The following NOMO2 variants were observed in gnomAD, a reference collection of about 807,000 sequenced individuals.
NOMO2 encodes the protein NODAL modulator 2.
A neutral mutation model predicts 67.1 loss-of-function variants in NOMO2; 14 were observed. The observed-to-expected ratio is 0.21, with a 90% CI of 0.14 to 0.33. The LOEUF is 0.33. Among genes scored for constraint, NOMO2 ranks in the 10% least tolerant of loss-of-function variants. The pLI, the probability that NOMO2 is intolerant of heterozygous loss-of-function variation, is 1.00. For synonymous variants in NOMO2, 80 were observed against 305.9 expected (o/e 0.26, Z 7.71); for missense variants, 178 against 761.0 (o/e 0.23, Z 9.01).
chr16:18,543,273 G>A (rs2141739026), intron 7 of NOMO2, among the ~76,000 whole-genome samples: 1 of 147,520 alleles, frequency 6.8e-6, no homozygotes, highest in South Asian at 2.3e-4. Flanking sequence ...CCACCTCCTG[G>A]GTTCAAGCGA....
chr16:18,529,963 A>G lies in NOMO2; in HGVS notation c.1670-326T>C, dbSNP rs148491361. Among the ~76,000 whole-genome samples the G allele has an allele frequency of 2.3e-3, 329 of 144,298 alleles. 1 individual carries two copies. The highest frequency in any genetic ancestry group is 6.0e-3 in the East Asian group (29 of 4,864). 94.7% of individuals were successfully genotyped at this position (144,298 alleles called of 152,430 possible). A position where few individuals can be genotyped will look rare whatever the true frequency, so the allele number is the denominator to read the frequency against. On this transcript the variant is annotated intron_variant, in intron 14 of 30. Coordinates refer to ENST00000622306, the MANE Select transcript of NOMO2 (RefSeq NM_173614.4). ...AAACCCCATCTCTACTAAAAATACAAAAGTGATCCAGGCATGGTGGTGCAT... is the reference window on the plus strand; with the variant it reads ...AAACCCCATCTCTACTAAAAATACAGAAGTGATCCAGGCATGGTGGTGCAT...
At chr16:18,536,996 T>C (rs1282069660) in intron 11 of NOMO2, among the ~76,000 whole-genome samples, 1 of 151,928 alleles carries the variant, frequency 6.6e-6, no homozygotes, top group Non-Finnish European at 1.5e-5. Context: ...TACCCCAAAC[T>C]TACTTTCTTA....
intron 3 of NOMO2, among the ~76,000 whole-genome samples, chr16:18,553,435 T>C (rs1279460063): frequency 1.3e-5 from 2 of 151,508 alleles, no homozygotes; most frequent in Non-Finnish European, 2.9e-5. Context: ...GTTCCCTGCA[T>C]GATAGCATTT....
At chr16:18,533,613 C>T (rs1369356476) in intron 11 of NOMO2, 1 of 171,504 alleles carries the variant, frequency 5.8e-6, no homozygotes, top group East Asian at 1.6e-4. Flanking sequence ...CATTATCAGG[C>T]CATCAAATAA....
intron 6 of NOMO2, among the ~76,000 whole-genome samples, chr16:18,545,472 G>A (rs1473523441): frequency 6.6e-6 from 1 of 151,688 alleles, no homozygotes; most frequent in Admixed American, 6.6e-5. Flanking sequence ...AGTAAGAAGA[G>A]ACATCTAGGT....
chr16:18,555,602 T>C (rs1901885498), intron 2 of NOMO2, among the ~76,000 whole-genome samples: 1 of 151,768 alleles, frequency 6.6e-6, no homozygotes, highest in Non-Finnish European at 1.5e-5. Context: ...CTGGTTTCTT[T>C]GTTTCTGTTT....
chr16:18,559,533 G>A (rs915865612), intron 1 of NOMO2, among the ~76,000 whole-genome samples: 1 of 151,998 alleles, frequency 6.6e-6, no homozygotes, highest in African/African-American at 2.4e-5. Flanking sequence ...GTGAAATAAG[G>A]TTAAGCCTGT....
intron 2 of NOMO2, among the ~76,000 whole-genome samples, chr16:18,556,536 T>C (rs1055125157): frequency 2.0e-5 from 3 of 151,524 alleles, no homozygotes; most frequent in Non-Finnish European, 2.9e-5. Flanking sequence ...TTGAAAGCAT[T>C]AACACAGGGG....
chr16:18,560,151 A>C (rs1012964168), intron 1 of NOMO2, among the ~76,000 whole-genome samples: 1 of 151,932 alleles, frequency 6.6e-6, no homozygotes, highest in African/African-American at 2.4e-5. Context: ...ATCTTTCATA[A>C]AGTACAATCA....
chr16:18,544,904 C>T (rs1177845026), intron 6 of NOMO2, among the ~76,000 whole-genome samples: 2 of 151,788 alleles, frequency 1.3e-5, no homozygotes, highest in African/African-American at 2.4e-5. Flanking sequence ...GCCAGAAGTG[C>T]CCTCACACTT....
Position 18,556,924 on chromosome 16 carries a change from G to A in NOMO2, c.255+778C>T, listed in dbSNP as rs1300557448. ...GTGGTTCACTTGAGGTCAGGAGTTC[G>A]AGACCAGCCTGGCCAACATGGCAAA... is the stretch of plus-strand genomic sequence containing the variant. On this transcript the variant is annotated intron_variant, in intron 2 of 30. Transcript: ENST00000622306. Among the ~76,000 whole-genome samples, 21 of 152,064 alleles carry A rather than the reference G, an allele frequency of 1.4e-4. 2 individuals carry two copies. The Middle Eastern group carries it at 0.01, about 74-fold the overall frequency.
chr16:18,525,583 AACAGCATCTGCCTC>A (rs2141713554), intron 16 of NOMO2, among the ~76,000 whole-genome samples: 1 of 149,536 alleles, frequency 6.7e-6, no homozygotes, highest in African/African-American at 2.4e-5. Context: ...GTCCACAGAG[AACAGCATCTGCCTC>A]ACAGGCTGGC....
intron 4 of NOMO2, among the ~76,000 whole-genome samples, chr16:18,551,162 A>C (rs1349946333): frequency 1.3e-5 from 2 of 151,998 alleles, no homozygotes; most frequent in East Asian, 1.9e-4. Flanking sequence ...CAATAGAGCA[A>C]GACCCTGTCT....
chr16:18,525,787 G>C (rs983405001), intron 16 of NOMO2, among the ~76,000 whole-genome samples: 4 of 151,694 alleles, frequency 2.6e-5, no homozygotes, highest in Non-Finnish European at 4.4e-5. Flanking sequence ...CTGGAGGAGG[G>C]GGCGCAAGGA....
chr16:18,561,847 C>CT, intron 1 of NOMO2, 29 bp downstream of exon 1: 1 of 1,543,828 alleles, frequency 6.5e-7, no homozygotes, highest in Non-Finnish European at 8.7e-7. Context: ...CCCGGCGACT[C>CT]GGCGCCGGGC....
chr16:18,534,668 A>G (rs1901379525), intron 11 of NOMO2, among the ~76,000 whole-genome samples: 1 of 38,826 alleles, frequency 2.6e-5, no homozygotes, highest in African/African-American at 8.3e-5. Context: ...TGATTTGTGT[A>G]CCTGTCAGAG....
chr16:18,553,871 C>CAGCT (rs1901846081), intron 3 of NOMO2, among the ~76,000 whole-genome samples: 1 of 142,168 alleles, frequency 7.0e-6, no homozygotes, highest in African/African-American at 2.6e-5. Flanking sequence ...AATTAGCTGT[C>CAGCT]AGCTGCCTGA....
At chr16:18,561,192 A>AAC (rs1651593196) in intron 1 of NOMO2, among the ~76,000 whole-genome samples, 2 of 143,410 alleles carry the variant, frequency 1.4e-5, no homozygotes, top group African/African-American at 2.6e-5. Context: ...AAAAAAAAAA[A>AAC]AAAAAAAAAA....
At chr16:18,561,354 G>T (rs1348595879) in intron 1 of NOMO2, among the ~76,000 whole-genome samples, 2 of 151,218 alleles carry the variant, frequency 1.3e-5, no homozygotes, top group Admixed American at 6.6e-5. Context: ...GATCTACTAG[G>T]TCAGAATCTA....
Sources: allele counts gnomAD v4.1 joint callset (sites outside exome capture counted in the v4.1 genomes callset), GRCh38; gene constraint gnomAD v4.1.1; transcripts MANE v1.5; gene names NCBI Gene and HGNC (gene_info 2026-07-23, HGNC 2026-07-21).